The following TUSC3 variants were observed in gnomAD, a reference collection of about 807,000 sequenced individuals.
TUSC3 encodes dolichyl-diphosphooligosaccharide--protein glycosyltransferase subunit TUSC3.
In TUSC3, 45 loss-of-function variants were observed where a neutral mutation model predicts 44.8. The ratio of observed to expected loss-of-function variants is 1.00; its 90% CI spans 0.79 to 1.29. The LOEUF is 1.29. Among genes scored for constraint, TUSC3 ranks in the 50% most tolerant of loss-of-function variants. The pLI, the probability that TUSC3 is intolerant of heterozygous loss-of-function variation, is 0.00. For synonymous variants in TUSC3, 212 were observed against 152.9 expected, an observed-to-expected ratio of 1.39 and a Z score of -2.85; for missense variants, 519 against 437.9, an observed-to-expected ratio of 1.19 and a Z score of -1.65.
At chr8:15,715,768 C>G (rs1810032564) in intron 6 of TUSC3, among the ~76,000 whole-genome samples, 1 of 151,884 alleles carries the variant, frequency 6.6e-6, no homozygotes, top group African/African-American at 2.4e-5. Context: ...GCTTCCAGAT[C>G]ATAAATGCAA....
the TUSC3 span, among the ~76,000 whole-genome samples, chr8:15,810,430 G>C: frequency 6.6e-6 from 1 of 152,140 alleles, no homozygotes; most frequent in East Asian, 1.9e-4. Flanking sequence ...TTGAGCCCAG[G>C]AGTTTGAGAG....
chr8:15,778,536 G>A, the TUSC3 span, among the ~76,000 whole-genome samples: 85 of 151,902 alleles, frequency 5.6e-4, 2 homozygotes, highest in Admixed American at 4.6e-3. Flanking sequence ...ATCACCATGC[G>A]AACACAATAT....
At chr8:15,594,832 C>T (rs1227379296) in intron 1 of TUSC3, among the ~76,000 whole-genome samples, 1 of 152,116 alleles carries the variant, frequency 6.6e-6, no homozygotes, top group Non-Finnish European at 1.5e-5. Flanking sequence ...TCATGACTTA[C>T]AGGCAGGCAG....
At chr8:15,699,325 A>T (rs13258543) in intron 6 of TUSC3, among the ~76,000 whole-genome samples, 80,293 of 152,030 alleles carry the variant, frequency 0.53, 23,009 homozygotes, top group Non-Finnish European at 0.65. Flanking sequence ...ATTTTCTCCT[A>T]GCACTTTCAT....
intron 1 of TUSC3, among the ~76,000 whole-genome samples, chr8:15,456,554 G>T (rs981853426): frequency 6.6e-6 from 1 of 151,992 alleles, no homozygotes; most frequent in African/African-American, 2.4e-5. Flanking sequence ...TGATATTAGG[G>T]TAGAAAAAAA....
At chr8:15,680,649 A>T (rs140230254) in intron 6 of TUSC3, among the ~76,000 whole-genome samples, 3 of 152,074 alleles carry the variant, frequency 2.0e-5, no homozygotes, top group African/African-American at 7.2e-5. Context: ...GAGAGTGGAC[A>T]TCCTTGTCTT....
intron 1 of TUSC3, among the ~76,000 whole-genome samples, chr8:15,615,725 C>T (rs1804959273): frequency 6.6e-6 from 1 of 152,014 alleles, no homozygotes; most frequent in Non-Finnish European, 1.5e-5. Flanking sequence ...ATATCCCTCT[C>T]TACCATAAAT....
chr8:15,668,660 T>G (rs1295002579), intron 5 of TUSC3, among the ~76,000 whole-genome samples: 1 of 151,772 alleles, frequency 6.6e-6, no homozygotes, highest in Non-Finnish European at 1.5e-5. Context: ...AAAACACAAA[T>G]GTCCAAAACA....
chr8:15,571,672 G>A (rs1802882691), intron 1 of TUSC3, among the ~76,000 whole-genome samples: 1 of 152,078 alleles, frequency 6.6e-6, no homozygotes, highest in Non-Finnish European at 1.5e-5. Flanking sequence ...TTTATTTCAT[G>A]AAAGATTCCT....
At chr8:15,493,855 G>A (rs1800843572) in intron 2 of TUSC3, among the ~76,000 whole-genome samples, 1 of 152,148 alleles carries the variant, frequency 6.6e-6, no homozygotes, top group Non-Finnish European at 1.5e-5. Context: ...ATATCAAAAT[G>A]TCTAAATATC....
At position 15,574,745 on chromosome 8, in the gene TUSC3, A is replaced by G. The variant is rs555188211; in HGVS notation, c.138+34177A>G. ...TGAGAATTTGAGAGAAATTTTCTCTACAGAGAAATGGATCAATGAAACATT... is the reference window on the plus strand; with the variant it reads ...TGAGAATTTGAGAGAAATTTTCTCTGCAGAGAAATGGATCAATGAAACATT... On this transcript the variant is annotated intron_variant, in intron 1 of 10. Transcript: ENST00000503731. 2.3e-4 allele frequency among the ~76,000 whole-genome samples: 35 copies of G among 152,292 alleles called. 1 individual carries two copies. In the South Asian group the frequency reaches 7.1e-3, roughly 31 times the overall value.
chr8:15,699,360 A>T (rs1046417131), intron 6 of TUSC3, among the ~76,000 whole-genome samples: 2 of 152,120 alleles, frequency 1.3e-5, no homozygotes, highest in African/African-American at 4.8e-5. Context: ...AAAACTTGCA[A>T]ACTTTTAGAC....
chr8:15,505,101 A>T (rs1293441589), intron 2 of TUSC3, among the ~76,000 whole-genome samples: 8 of 152,170 alleles, frequency 5.3e-5, no homozygotes, highest in African/African-American at 1.9e-4. Context: ...TAAAAATATG[A>T]CAGATTGCCC....
intron 1 of TUSC3, among the ~76,000 whole-genome samples, chr8:15,466,242 A>G (rs1170312287): frequency 6.6e-6 from 1 of 152,186 alleles, no homozygotes; most frequent in Non-Finnish European, 1.5e-5. Context: ...CTTTGGAACA[A>G]TTTCAATACA....
At position 15,462,456 on chromosome 8, in the gene TUSC3, T is replaced by A. The variant is rs145590106; in HGVS notation, n.92-20930T>A. On this transcript the variant is annotated intron_variant and non_coding_transcript_variant, in intron 1 of 5. Transcript: ENST00000503191. ...CATAGACTAAAGGAATTGCCCATGG[T>A]GGCAGAGTCAGGTTTTGAAACTATG... Among the ~76,000 whole-genome samples, 283 of 152,228 alleles carry A rather than the reference T, an allele frequency of 1.9e-3. 3 individuals are homozygous for A. The highest frequency in any genetic ancestry group is 6.4e-3 in the African/African-American group (264 of 41,568).
At chr8:15,561,093 T>C (rs1585101766) in intron 1 of TUSC3, among the ~76,000 whole-genome samples, 1 of 116,422 alleles carries the variant, frequency 8.6e-6, no homozygotes, top group African/African-American at 3.2e-5. Context: ...CGTTTTAGAG[T>C]TTCCAGTTTT....
At chr8:15,812,474 G>T in the TUSC3 span, among the ~76,000 whole-genome samples, 51 of 152,156 alleles carry the variant, frequency 3.4e-4, no homozygotes, top group African/African-American at 1.2e-3. Context: ...GCAATAGGTA[G>T]ATATACACTT....
chr8:15,691,803 C>CGG (rs1554476124), intron 6 of TUSC3, among the ~76,000 whole-genome samples: 7 of 151,946 alleles, frequency 4.6e-5, no homozygotes, highest in Admixed American at 3.9e-4. Flanking sequence ...TGTTTTGAGA[C>CGG]AGTCTCGCTC....
At chr8:15,623,324 A>T in intron 2 of TUSC3, 75 bp downstream of exon 2, 2 of 1,377,246 alleles carry the variant, frequency 1.5e-6, no homozygotes, top group Non-Finnish European at 1.9e-6. Flanking sequence ...TCATTTTAAG[A>T]TAAATATATG....
Sources: gnomAD v4.1 joint callset for allele counts (sites outside exome capture counted in the v4.1 genomes callset) on GRCh38, gnomAD v4.1.1 for gene constraint, MANE v1.5 for transcripts, NCBI Gene and HGNC (gene_info 2026-07-23, HGNC 2026-07-21) for gene names.